Variants in CNTRL observed in about 807,000 individuals in gnomAD.
CNTRL encodes the protein 110 kDa centrosomal protein.
CNTRL carries 233 observed loss-of-function variants against 303.7 expected under a neutral mutation model. That is an observed-to-expected ratio of 0.77 (90% CI 0.69 to 0.86). CNTRL has a LOEUF of 0.86. Among genes scored for constraint, CNTRL ranks in the 40% least tolerant of loss-of-function variants. The pLI is 0.00. For missense variants in CNTRL, 2,524 were observed against 2,650.6 expected, an observed-to-expected ratio of 0.95 and a Z score of 1.05; for synonymous variants, 900 against 922.2, an observed-to-expected ratio of 0.98 and a Z score of 0.44.
chr9:121,111,668 C>G (rs920334887), intron 8 of CNTRL, among the ~76,000 whole-genome samples: 1 of 152,044 alleles, frequency 6.6e-6, no homozygotes, highest in Non-Finnish European at 1.5e-5. Context: ...TAGAAAGGAG[C>G]TAGTACTAGT....
At chr9:121,170,322 T>G (rs1323137284) in intron 39 of CNTRL, among the ~76,000 whole-genome samples, 1 of 152,046 alleles carries the variant, frequency 6.6e-6, no homozygotes, top group Admixed American at 6.5e-5. Context: ...TTTTGTATTT[T>G]TAGTAGAGAT....
At chr9:121,138,475 ATTTG>A in intron 15 of CNTRL, 66 bp from the exon 16 acceptor site, 1 of 1,508,056 alleles carries the variant, frequency 6.6e-7, no homozygotes. Context: ...ATGTAAATTT[ATTTG>A]TGCCTTTTAA....
intron 7 of CNTRL, among the ~76,000 whole-genome samples, chr9:121,104,764 C>T (rs1051588887): frequency 7.5e-6 from 1 of 133,660 alleles, no homozygotes; most frequent in Admixed American, 9.1e-5. Context: ...TGCAATGGTG[C>T]GATCTCAGCT....
chr9:121,137,321 T>C (rs2051252278), intron 15 of CNTRL, among the ~76,000 whole-genome samples: 1 of 152,228 alleles, frequency 6.6e-6, no homozygotes, highest in African/African-American at 2.4e-5. Context: ...ATGCATATGA[T>C]GATCATCTGT....
intron 41 of CNTRL, 60 bp downstream of exon 41, chr9:121,173,569 C>T: frequency 6.2e-7 from 1 of 1,610,068 alleles, no homozygotes; most frequent in Non-Finnish European, 8.5e-7. Context: ...CCCAGCTAAG[C>T]TAAAACACAG....
chr9:121,162,370 T>A, intron 34 of CNTRL, 99 bp downstream of exon 34: 1 of 980,254 alleles, frequency 1.0e-6, no homozygotes, highest in Non-Finnish European at 1.6e-6. Flanking sequence ...AAAGATAAAA[T>A]ACACCACAAA....
intron 1 of CNTRL, among the ~76,000 whole-genome samples, chr9:121,078,469 G>C (rs1369538213): frequency 6.6e-6 from 1 of 152,214 alleles, no homozygotes; most frequent in South Asian, 2.1e-4. Context: ...CCCACTATAC[G>C]CTCACAACAT....
chr9:121,081,188 T>C (rs2048126033), intron 2 of CNTRL, among the ~76,000 whole-genome samples: 1 of 152,232 alleles, frequency 6.6e-6, no homozygotes, highest in Non-Finnish European at 1.5e-5. Context: ...GCTGGGAGTT[T>C]GCAGGAAGTT....
At chr9:121,102,278 A>G (rs1420124105) in intron 7 of CNTRL, among the ~76,000 whole-genome samples, 1 of 152,262 alleles carries the variant, frequency 6.6e-6, no homozygotes. Context: ...TCCATCGTAT[A>G]AACAGAACCA....
intron 14 of CNTRL, among the ~76,000 whole-genome samples, chr9:121,131,463 T>C (rs2050852159): frequency 6.6e-6 from 1 of 152,234 alleles, no homozygotes; most frequent in Admixed American, 6.5e-5. Flanking sequence ...GCCCTGCTTT[T>C]TTTTGCTTTC....
chr9:121,130,377 G>A (rs551085896), intron 14 of CNTRL, among the ~76,000 whole-genome samples: 1 of 152,090 alleles, frequency 6.6e-6, no homozygotes, highest in African/African-American at 2.4e-5. Flanking sequence ...ATGTGTCCAG[G>A]AATTTATCCA....
intron 7 of CNTRL, among the ~76,000 whole-genome samples, chr9:121,104,374 A>G (rs1296095719): frequency 6.6e-6 from 1 of 152,064 alleles, no homozygotes; most frequent in Non-Finnish European, 1.5e-5. Flanking sequence ...GGGGCCTGTC[A>G]TGGGGTGGGG....
chr9:121,165,101 G>T lies in CNTRL; in HGVS notation c.5581+1G>T. 6.4e-7 allele frequency: 1 copy of T among 1,562,432 alleles called. No homozygotes were observed. The highest frequency in any genetic ancestry group is 8.6e-7 in the Non-Finnish European group (1 of 1,157,922). ...TCAGCAATGCAACAGCAGCTCCAAG[G>T]TATAAGGCAGCAAAACAGTGAAAGT... On this transcript the variant is annotated splice_donor_variant, in intron 35 of 43. Transcript: ENST00000373855. LOFTEE classifies it high-confidence loss of function.
chr9:121,076,813 A>T (rs2047944124), intron 1 of CNTRL, among the ~76,000 whole-genome samples: 1 of 152,112 alleles, frequency 6.6e-6, no homozygotes, highest in African/African-American at 2.4e-5. Flanking sequence ...AAGGAGGAGA[A>T]GATTAAGGAG....
Position 121,115,216 on chromosome 9 carries a change from G to A in CNTRL, c.1455+16G>A. 1.5e-6 allele frequency: 2 copies of A among 1,331,956 alleles called. No homozygotes were observed. The highest frequency in any genetic ancestry group is 2.9e-5 in the African/African-American group (2 of 68,432). 82.5% of individuals were successfully genotyped at this position (1,331,956 alleles called of 1,614,324 possible). On this transcript the variant is annotated intron_variant, in intron 11 of 43. Transcript: ENST00000373855. Reference sequence around the variant, plus strand: ...ACTAAAAAAGGTATGTAAAAGCAAAGCAGCAATGCTAAGAGGAAATGAAAA... The same window carrying A: ...ACTAAAAAAGGTATGTAAAAGCAAAACAGCAATGCTAAGAGGAAATGAAAA...
intron 4 of CNTRL, among the ~76,000 whole-genome samples, chr9:121,091,670 C>T (rs2048576823): frequency 1.3e-5 from 2 of 152,074 alleles, no homozygotes; most frequent in South Asian, 4.1e-4. Flanking sequence ...TGATGAAACC[C>T]CATCTCTACT....
rs1588017074 is a variant in CNTRL, at chr9:121,075,040, C to T, written c.-232C>T. On this transcript the variant is annotated 5_prime_UTR_variant, in exon 1 of 44. Coordinates refer to ENST00000373855, the MANE Select transcript of CNTRL (RefSeq NM_007018.6). ...ACTTCTCCCGCTCTACCTCAGCCTG[C>T]GGGACTGCTCGGCTCGGCTTCTAGG... 4.6e-6 allele frequency: 2 copies of T among 437,902 alleles called. No individual in the cohort carries two copies. The highest frequency in any genetic ancestry group is 9.3e-6 in the Non-Finnish European group (2 of 214,952). 27.1% of individuals were successfully genotyped at this position (437,902 alleles called of 1,614,324 possible).
chr9:121,087,062 T>C (rs2048371058), intron 2 of CNTRL, among the ~76,000 whole-genome samples: 1 of 152,130 alleles, frequency 6.6e-6, no homozygotes, highest in Admixed American at 6.5e-5. Flanking sequence ...TTATAGTAGT[T>C]TGATGAGGGC....
At chr9:121,078,465 A>G (rs929585824) in intron 1 of CNTRL, among the ~76,000 whole-genome samples, 2 of 152,154 alleles carry the variant, frequency 1.3e-5, no homozygotes, top group African/African-American at 4.8e-5. Flanking sequence ...TTCTCCCACT[A>G]TACGCTCACA....
Sources: allele counts gnomAD v4.1 joint callset (sites outside exome capture counted in the v4.1 genomes callset), GRCh38; gene constraint gnomAD v4.1.1; transcripts MANE v1.5; gene names NCBI Gene and HGNC (gene_info 2026-07-23, HGNC 2026-07-21).